Variants in HDAC9 observed in about 807,000 individuals in gnomAD.
HDAC9 encodes MEF-2 interacting transcription repressor (MITR) protein.
In HDAC9, 41 loss-of-function variants were observed where a neutral mutation model predicts 139.4. That is an observed-to-expected ratio of 0.29 (90% confidence interval 0.23 to 0.38). The LOEUF is 0.38. Ranked by LOEUF, HDAC9 falls within the 10% of genes least tolerant of loss-of-function variation. The probability of loss-of-function intolerance (pLI) is 1.00; values close to 1 mark genes in which losing one functional copy is unlikely to be tolerated. For missense variants in HDAC9, 1,147 were observed against 1,297.0 expected (o/e 0.88, Z 1.78); for synonymous variants, 517 against 476.2 (o/e 1.09, Z -1.12).
intron 1 of HDAC9, among the ~76,000 whole-genome samples, chr7:18,436,306 T>C (rs1791197479): frequency 6.6e-6 from 1 of 152,226 alleles, no homozygotes; most frequent in Admixed American, 6.5e-5. Flanking sequence ...TTATTATTGC[T>C]ACCCCACAAA....
At chr7:18,148,235 C>A (rs7790308) in intron 1 of HDAC9, among the ~76,000 whole-genome samples, 64,982 of 151,974 alleles carry the variant, frequency 0.43, 15,915 homozygotes, top group African/African-American at 0.68. Context: ...CACTGGGCTA[C>A]ACTCACGGTA....
Position 18,590,972 on chromosome 7 carries a change from G to T in HDAC9, c.415+486G>T, listed in dbSNP as rs556701012. Among the ~76,000 whole-genome samples, 3 of 152,278 alleles carry T rather than the reference G, an allele frequency of 2.0e-5. No homozygotes were observed. In the South Asian group the frequency reaches 6.2e-4, roughly 32 times the overall value. On this transcript the variant is annotated intron_variant, in intron 4 of 25. Coordinates refer to ENST00000686413, the MANE Select transcript of HDAC9 (RefSeq NM_178425.4). The stretch of plus-strand genomic sequence containing the variant: ...GGAGACAGATCCAAATAATTCCCCT[G>T]TATTAGGTCAGTTCAAAATCAGGTC...
chr7:18,428,840 A>G (rs1274519125), intron 1 of HDAC9, among the ~76,000 whole-genome samples: 1 of 151,992 alleles, frequency 6.6e-6, no homozygotes, highest in Non-Finnish European at 1.5e-5. Flanking sequence ...ACTCTTTCCT[A>G]CCATGCTGGC....
At chr7:18,678,771 A>G (rs1019632759) in intron 12 of HDAC9, among the ~76,000 whole-genome samples, 3 of 151,852 alleles carry the variant, frequency 2.0e-5, no homozygotes, top group African/African-American at 4.8e-5. Context: ...TCTCTTGAAT[A>G]TGGTTCATAT....
intron 1 of HDAC9, among the ~76,000 whole-genome samples, chr7:18,347,170 C>T (rs904762839): frequency 6.6e-6 from 1 of 152,126 alleles, no homozygotes; most frequent in African/African-American, 2.4e-5. Flanking sequence ...ATCCTAGTTA[C>T]CAGCACTGCA....
chr7:18,358,710 A>G (rs1232959684), intron 1 of HDAC9, among the ~76,000 whole-genome samples: 1 of 152,206 alleles, frequency 6.6e-6, no homozygotes, highest in East Asian at 1.9e-4. Context: ...ATCACTTAGT[A>G]CTTAAGAACA....
intron 1 of HDAC9, among the ~76,000 whole-genome samples, chr7:18,089,095 G>A (rs1781980565): frequency 6.6e-6 from 1 of 152,212 alleles, no homozygotes. Context: ...TCTTAGCTGT[G>A]CTAGTGAATT....
At chr7:18,430,234 T>A (rs1026841376) in intron 1 of HDAC9, among the ~76,000 whole-genome samples, 3 of 152,098 alleles carry the variant, frequency 2.0e-5, no homozygotes, top group African/African-American at 7.2e-5. Context: ...ATTGAATGAT[T>A]TTTTTTGGCG....
intron 2 of HDAC9, among the ~76,000 whole-genome samples, chr7:18,565,799 A>AAAAG (rs1190509088): frequency 3.3e-5 from 5 of 152,166 alleles, no homozygotes; most frequent in Admixed American, 1.3e-4. Context: ...GTTAACCAAA[A>AAAAG]AAAGAAAGAA....
At chr7:18,138,179 A>G (rs188119956) in intron 1 of HDAC9, among the ~76,000 whole-genome samples, 280 of 152,062 alleles carry the variant, frequency 1.8e-3, no homozygotes, top group African/African-American at 6.6e-3. Flanking sequence ...TATTGCATCT[A>G]TTTGATTCTT....
chr7:18,797,877 T>C (rs1792943908), intron 17 of HDAC9, among the ~76,000 whole-genome samples: 1 of 152,034 alleles, frequency 6.6e-6, no homozygotes, highest in African/African-American at 2.4e-5. Flanking sequence ...TTAAACATGC[T>C]TTTTGCTTTA....
intron 25 of HDAC9, among the ~76,000 whole-genome samples, chr7:18,987,636 G>C (rs1443943514): frequency 6.6e-6 from 1 of 152,140 alleles, no homozygotes; most frequent in East Asian, 1.9e-4. Flanking sequence ...AGTTTCAGAA[G>C]GAATGGTACC....
At chr7:18,763,399 G>T (rs1789555353) in intron 15 of HDAC9, among the ~76,000 whole-genome samples, 1 of 152,104 alleles carries the variant, frequency 6.6e-6, no homozygotes, top group South Asian at 2.1e-4. Context: ...AGTAGCTTGG[G>T]GAGAAGTAAG....
At chr7:18,517,433 A>G (rs1319365807) in intron 2 of HDAC9, among the ~76,000 whole-genome samples, 1 of 152,202 alleles carries the variant, frequency 6.6e-6, no homozygotes, top group East Asian at 1.9e-4. Flanking sequence ...TGAACGAACT[A>G]AAGGATCAGC....
chr7:18,972,717 G>A (rs975268190), intron 24 of HDAC9, among the ~76,000 whole-genome samples: 3 of 152,150 alleles, frequency 2.0e-5, no homozygotes, highest in South Asian at 2.1e-4. Context: ...TCAATTAGCC[G>A]TGTCTCCAGT....
chr7:18,219,187 T>C (rs1792515498), intron 2 of HDAC9, among the ~76,000 whole-genome samples: 1 of 152,286 alleles, frequency 6.6e-6, no homozygotes, highest in East Asian at 1.9e-4. Flanking sequence ...CTTGAATCTA[T>C]GTAGTATTTT....
intron 2 of HDAC9, among the ~76,000 whole-genome samples, chr7:18,200,107 T>C (rs1395840756): frequency 2.0e-5 from 3 of 152,236 alleles, no homozygotes; most frequent in African/African-American, 7.2e-5. Flanking sequence ...ACAAATGTAA[T>C]GCAATTGAAC....
chr7:18,856,167 C>T (rs73320009), intron 21 of HDAC9, among the ~76,000 whole-genome samples: 5,808 of 152,098 alleles, frequency 0.038, 246 homozygotes, highest in African/African-American at 0.098. Flanking sequence ...CTGAGAGATA[C>T]GGCATCATAG....
intron 25 of HDAC9, among the ~76,000 whole-genome samples, chr7:18,990,781 G>A (rs77846335): frequency 1.4e-4 from 22 of 152,232 alleles, no homozygotes; most frequent in African/African-American, 4.6e-4. Flanking sequence ...TAGGAAAAGC[G>A]CAGTATTTGG....
Sources: gnomAD v4.1 joint callset for allele counts (sites outside exome capture counted in the v4.1 genomes callset) on GRCh38, gnomAD v4.1.1 for gene constraint, MANE v1.5 for transcripts, NCBI Gene and HGNC (gene_info 2026-07-23, HGNC 2026-07-21) for gene names.